Variants in DNAJC11 observed in about 807,000 individuals in gnomAD.
DNAJC11 encodes the protein DnaJ heat shock protein family (Hsp40) member C11, also known as dnaJ homolog subfamily C member 11.
In DNAJC11, 15 loss-of-function variants were observed where a neutral mutation model predicts 78.6. The ratio of observed to expected loss-of-function variants is 0.19; its 90% CI spans 0.13 to 0.29. DNAJC11 has a LOEUF of 0.29. Ranked by LOEUF, DNAJC11 falls within the 10% of genes least tolerant of loss-of-function variation. DNAJC11 has a pLI of 1.00. For synonymous variants in DNAJC11, 292 were observed against 272.1 expected (o/e 1.07, Z -0.72); for missense variants, 547 against 709.6 (o/e 0.77, Z 2.60).
chr1:6,674,252 C>G (rs1642425353), intron 3 of DNAJC11, among the ~76,000 whole-genome samples: 1 of 151,994 alleles, frequency 6.6e-6, no homozygotes, highest in Non-Finnish European at 1.5e-5. Flanking sequence ...ATAACAGTCT[C>G]TAGAAGCCTT....
chr1:6,636,077 GCC>G, intron 15 of DNAJC11, 38 bp downstream of exon 15: 1 of 1,590,714 alleles, frequency 6.3e-7, no homozygotes, highest in Non-Finnish European at 8.6e-7. Flanking sequence ...CGAGGTCCCC[GCC>G]CCCGTTAGCT....
At chr1:6,643,819 G>C (rs991819593) in intron 10 of DNAJC11, among the ~76,000 whole-genome samples, 25 of 152,132 alleles carry the variant, frequency 1.6e-4, no homozygotes, top group Non-Finnish European at 2.8e-4. Flanking sequence ...TCACTCACTC[G>C]GTGTTGGAAC....
intron 2 of DNAJC11, among the ~76,000 whole-genome samples, chr1:6,679,441 A>G (rs895805794): frequency 6.6e-6 from 1 of 152,214 alleles, no homozygotes; most frequent in Non-Finnish European, 1.5e-5. Context: ...CGATATCCCA[A>G]CTGAACTCAA....
At chr1:6,678,542 T>C in intron 2 of DNAJC11, 75 bp from the exon 3 acceptor site, 1 of 1,220,646 alleles carries the variant, frequency 8.2e-7, no homozygotes, top group Non-Finnish European at 1.2e-6. Context: ...ACTGACATCA[T>C]TAGGTAAGCC....
chr1:6,644,452 G>T (rs975139404), intron 10 of DNAJC11, 106 bp downstream of exon 10: 10 of 894,482 alleles, frequency 1.1e-5, no homozygotes, highest in Non-Finnish European at 1.9e-5. Context: ...GTGTCTTTAA[G>T]AACAAAATTA....
intron 4 of DNAJC11, chr1:6,654,240 G>T (rs1037312355): frequency 2.0e-6 from 1 of 491,910 alleles, no homozygotes; most frequent in South Asian, 2.3e-5. Context: ...CACCACAGAC[G>T]TCCAGAGCTA....
intron 11 of DNAJC11, among the ~76,000 whole-genome samples, chr1:6,639,309 A>G (rs572362581): frequency 6.6e-6 from 1 of 150,632 alleles, no homozygotes; most frequent in African/African-American, 2.4e-5. Flanking sequence ...TCTTGAGGCC[A>G]TGGTTTAGAG....
At chr1:6,652,039 A>G (rs1471544340) in intron 6 of DNAJC11, among the ~76,000 whole-genome samples, 1 of 151,688 alleles carries the variant, frequency 6.6e-6, no homozygotes, top group East Asian at 1.9e-4. Context: ...CTCCCAGGTC[A>G]CTGGGGCGGT....
chr1:6,681,783 G>A (rs1445024901), intron 1 of DNAJC11, among the ~76,000 whole-genome samples: 1 of 152,156 alleles, frequency 6.6e-6, no homozygotes, highest in Non-Finnish European at 1.5e-5. Flanking sequence ...TCTCTAGACA[G>A]GGCCCCTCAG....
chr1:6,679,476 C>A (rs1642522434), intron 2 of DNAJC11, among the ~76,000 whole-genome samples: 1 of 152,308 alleles, frequency 6.6e-6, no homozygotes, highest in African/African-American at 2.4e-5. Context: ...AATGGTTGTT[C>A]TCTTCCCCCT....
chr1:6,642,873 G>C (rs904702011), intron 10 of DNAJC11, among the ~76,000 whole-genome samples: 3 of 152,150 alleles, frequency 2.0e-5, no homozygotes, highest in African/African-American at 7.2e-5. Flanking sequence ...TGAGGGGGTG[G>C]TCCAAGCTGG....
rs1396655531 is a variant in DNAJC11 at position 6,680,171 on chromosome 1, G to T, written c.202+737C>A. 1.3e-5 allele frequency among the ~76,000 whole-genome samples: 2 copies of T among 152,148 alleles called. No homozygotes were observed. The highest frequency in any genetic ancestry group is 2.9e-5 in the Non-Finnish European group (2 of 68,026). ...CTTATTGTAGTTGATGTATATAACA[G>T]TGATTTAACATTTTTTTTAATTTAA... On this transcript the variant is annotated intron_variant, in intron 2 of 15. Coordinates refer to ENST00000377577, the MANE Select transcript of DNAJC11 (RefSeq NM_018198.4). This position sits in a 1 kb window ranked among gnomAD's most constrained non-coding sequence, Gnocchi z 4.0.
chr1:6,636,538 G>T (rs1216044181), intron 14 of DNAJC11, among the ~76,000 whole-genome samples: 1 of 152,152 alleles, frequency 6.6e-6, no homozygotes, highest in Admixed American at 6.5e-5. Context: ...CCATGCCCCA[G>T]GCCCCAGAGG....
At chr1:6,674,262 T>TA (rs966533677) in intron 3 of DNAJC11, among the ~76,000 whole-genome samples, 2 of 150,704 alleles carry the variant, frequency 1.3e-5, no homozygotes, top group Admixed American at 6.6e-5. Flanking sequence ...CTAGAAGCCT[T>TA]AAAAAAAAAG....
In DNAJC11 at chr1:6,645,221, G is replaced by A. The variant is rs371595380; in HGVS notation, c.895-95C>T. On this transcript the variant is annotated intron_variant, in intron 8 of 15. Coordinates refer to ENST00000377577, the MANE Select transcript of DNAJC11 (RefSeq NM_018198.4). This position sits in a 1 kb window ranked among gnomAD's most constrained non-coding sequence, Gnocchi z 4.1. ...CTCCCACTAGCTCTGGGCATCTGCT[G>A]CACACAGGCCTTTAAGGCAGGGGTC... The A allele has an allele frequency of 4.1e-6, 4 of 965,350 alleles. No individual in the cohort carries two copies. Among genetic ancestry groups the A allele is most frequent in the African/African-American group, 3.2e-5 (2 of 62,562 alleles). The allele number at this position is 965,350 out of a possible 1,614,324, so 59.8% of individuals were successfully genotyped here.
At chr1:6,694,118 T>C (rs1642795616) in intron 1 of DNAJC11, among the ~76,000 whole-genome samples, 1 of 152,174 alleles carries the variant, frequency 6.6e-6, no homozygotes, top group Admixed American at 6.5e-5. Context: ...TTCACAGGCA[T>C]GAGCTACCAT....
At chr1:6,690,275 C>T (rs1414121867) in intron 1 of DNAJC11, among the ~76,000 whole-genome samples, 2 of 152,188 alleles carry the variant, frequency 1.3e-5, no homozygotes, top group African/African-American at 4.8e-5. Context: ...TTATTAATGG[C>T]TATGCTCATG....
intron 4 of DNAJC11, among the ~76,000 whole-genome samples, chr1:6,663,584 G>A (rs910025185): frequency 8.5e-5 from 13 of 152,136 alleles, no homozygotes; most frequent in Non-Finnish European, 1.8e-4. Flanking sequence ...ACAGAAATCC[G>A]AAGATGGCAG....
chr1:6,655,612 C>A (rs1642114454), intron 4 of DNAJC11, among the ~76,000 whole-genome samples: 1 of 151,914 alleles, frequency 6.6e-6, no homozygotes. Context: ...CACCTGAGGT[C>A]AGGAGTTCGA....
Sources: allele counts gnomAD v4.1 joint callset (sites outside exome capture counted in the v4.1 genomes callset), GRCh38; gene constraint gnomAD v4.1.1; non-coding constraint Gnocchi (gnomAD v3.1); transcripts MANE v1.5; gene names NCBI Gene and HGNC (gene_info 2026-07-23, HGNC 2026-07-21).